The following CBY2 variants were observed in gnomAD, a reference collection of about 807,000 sequenced individuals.
The protein encoded by CBY2 is chibby family member 2, also known as protein chibby homolog 2.
A neutral mutation model predicts 25.3 loss-of-function variants in CBY2; 23 were observed. That is an observed-to-expected ratio of 0.91 (90% CI 0.65 to 1.29). CBY2 has a LOEUF of 1.29. Ranked by LOEUF, CBY2 falls within the 50% of genes most tolerant of loss-of-function variation. The probability of loss-of-function intolerance (pLI) is 0.00; values close to 1 mark genes in which losing one functional copy is unlikely to be tolerated. For synonymous variants in CBY2, 279 were observed against 260.2 expected (o/e 1.07, Z -0.70); for missense variants, 642 against 590.7 (o/e 1.09, Z -0.90).
At chr13:45,707,820 G>A (rs1950248157) in intron 2 of CBY2, among the ~76,000 whole-genome samples, 1 of 152,196 alleles carries the variant, frequency 6.6e-6, no homozygotes, top group Non-Finnish European at 1.5e-5. Context: ...TATCAGCTAT[G>A]TAATCTTATG....
intron 2 of CBY2, among the ~76,000 whole-genome samples, chr13:45,707,312 A>G (rs1379308304): frequency 6.6e-6 from 1 of 152,144 alleles, no homozygotes; most frequent in Admixed American, 6.5e-5. Flanking sequence ...GGAAAACTCC[A>G]TGCTTATAGA....
chr13:45,714,557 C>T lies in CBY2; in HGVS notation c.*185C>T, dbSNP rs374391161. 3.5e-5 allele frequency: 17 copies of T among 489,094 alleles called. No homozygotes were observed. The East Asian group carries it at 4.5e-4, about 13-fold the overall frequency. The allele number at this position is 489,094 out of a possible 1,614,324, so 30.3% of individuals were successfully genotyped here. A position where few individuals can be genotyped will look rare whatever the true frequency, so the allele number is the denominator to read the frequency against. On this transcript the variant is annotated 3_prime_UTR_variant, in exon 3 of 3. Coordinates refer to ENST00000310521, the MANE Select transcript of CBY2 (RefSeq NM_152719.3). ...GTGAGGAGGCTGGGGCCAGTTGACACCAGCATGCTGCCTTTTTCTTTCTTT... is the reference window on the plus strand; with the variant it reads ...GTGAGGAGGCTGGGGCCAGTTGACATCAGCATGCTGCCTTTTTCTTTCTTT...
At chr13:45,707,644 T>A (rs1228620353) in intron 2 of CBY2, among the ~76,000 whole-genome samples, 1 of 152,194 alleles carries the variant, frequency 6.6e-6, no homozygotes, top group East Asian at 1.9e-4. Context: ...CTTAGATAAT[T>A]GCAACTTACT....
chr13:45,713,670 C>CT lies in CBY2; in HGVS notation c.646dup (p.Ser216PhefsTer200). 5 of 1,612,916 alleles carry CT rather than the reference C, an allele frequency of 3.1e-6. No homozygotes were observed. Among genetic ancestry groups the CT allele is most frequent in the Non-Finnish European group, 4.2e-6 (5 of 1,179,972 alleles). ...TGGGCCGAGAGGAGAGCCGGGCCCC[C>CT]TCGCCACTGCTGCACAAAGACAGCG... On this transcript the variant is annotated frameshift_variant, in exon 3 of 3. Transcript: ENST00000310521. LOFTEE classifies it low-confidence loss of function (END_TRUNC). This position sits in a 1 kb window ranked among gnomAD's most constrained non-coding sequence, Gnocchi z 5.0.
intron 2 of CBY2, chr13:45,703,240 G>A (rs894203111): frequency 7.8e-7 from 1 of 1,278,262 alleles, no homozygotes; most frequent in African/African-American, 1.5e-5. Flanking sequence ...GCATAAGAAT[G>A]AATCCATGAG....
Position 45,704,289 on chromosome 13 carries a change from T to C in CBY2, c.156+1434T>C, listed in dbSNP as rs911174446. ...GGTTTAAGACAGCTCAAGCTTGTCT[T>C]GGGGCTGCCTGCTTCCTGTGCTGGA... On this transcript the variant is annotated intron_variant, in intron 2 of 2. Coordinates refer to ENST00000310521, the MANE Select transcript of CBY2 (RefSeq NM_152719.3). This position sits in a 1 kb window ranked among gnomAD's most constrained non-coding sequence, Gnocchi z 4.1. Among the ~76,000 whole-genome samples the C allele has an allele frequency of 3.3e-5, 5 of 152,120 alleles. No individual in the cohort carries two copies. Among genetic ancestry groups the C allele is most frequent in the African/African-American group, 1.2e-4 (5 of 41,424 alleles).
Position 45,704,967 on chromosome 13 carries a change from G to C in CBY2, c.156+2112G>C, listed in dbSNP as rs765676905. On this transcript the variant is annotated intron_variant, in intron 2 of 2. Coordinates refer to ENST00000310521, the MANE Select transcript of CBY2 (RefSeq NM_152719.3). This position sits in a 1 kb window ranked among gnomAD's most constrained non-coding sequence, Gnocchi z 4.1. ...CCAAAAGCTGCTCTATTCTGGGATG[G>C]AGTCCACTTTCCATTTGTTTCAGAA... 1.3e-5 allele frequency among the ~76,000 whole-genome samples: 2 copies of C among 152,166 alleles called. No individual in the cohort carries two copies. The highest frequency in any genetic ancestry group is 1.5e-5 in the Non-Finnish European group (1 of 68,028).
rs112104044 is a variant in CBY2 at position 45,713,860 on chromosome 13, G to A, written c.835G>A (p.Glu279Lys). Residue 279 changes from glutamate (E) to lysine (K), a missense_variant, in exon 3 of 3, where the codon GAG becomes AAG. Transcript: ENST00000310521. This position sits in a 1 kb window ranked among gnomAD's most constrained non-coding sequence, Gnocchi z 5.0. ...GGCAGAGGACACGGCCGCCCCTGCC[G>A]AGGAAAGCAAGCCCGCCCCCTCACC... ...AQAEDTAAPA[E>K]ESKPAPSPHE... The A allele has an allele frequency of 3.3e-3, 4,988 of 1,517,656 alleles. 207 individuals are homozygous for A. The South Asian group carries it at 0.055, about 17-fold the overall frequency. The allele number at this position is 1,517,656 out of a possible 1,614,324, so 94.0% of individuals were successfully genotyped here.
Position 45,702,551 on chromosome 13 carries a change from C to T in CBY2, c.75+86C>T. The T allele has an allele frequency of 5.1e-6, 6 of 1,175,016 alleles. No individual in the cohort carries two copies. The South Asian group carries it at 7.4e-5, about 15-fold the overall frequency. The allele number at this position is 1,175,016 out of a possible 1,614,324, so 72.8% of individuals were successfully genotyped here. A position where few individuals can be genotyped will look rare whatever the true frequency, so the allele number is the denominator to read the frequency against. ...CTCCACTTCAAAAACTTTCAAAAGC[C>T]TTTTACATCAACTATAATATCTAGC... On this transcript the variant is annotated intron_variant, in intron 1 of 2. Coordinates refer to ENST00000310521, the MANE Select transcript of CBY2 (RefSeq NM_152719.3).
At chr13:45,711,796 G>A (rs902582667) in intron 2 of CBY2, among the ~76,000 whole-genome samples, 1 of 152,192 alleles carries the variant, frequency 6.6e-6, no homozygotes, top group African/African-American at 2.4e-5. Context: ...GTTTTATGCT[G>A]TGGTCTTGAG....
At position 45,713,238 on chromosome 13, in the gene CBY2, C is replaced by A. The variant is rs80072371; in HGVS notation, c.213C>A (p.Cys71Ter). 0.051 allele frequency: 81,530 copies of A among 1,613,582 alleles called. 2,484 individuals are homozygous for A. Among genetic ancestry groups the A allele is most frequent in the African/African-American group, 0.13 (9,501 of 75,030 alleles). ...RLHNLYSTPR[C>*]AQQAALPRLS... The stretch of plus-strand genomic sequence containing the variant: ...ACAACTTGTACAGCACCCCTCGCTG[C>A]GCGCAGCAGGCCGCCCTGCCCCGGC... Residue 71 changes from cysteine to a stop codon, truncating the protein, a stop_gained, in exon 3 of 3, where the codon TGC becomes TGA. Coordinates refer to ENST00000310521, the MANE Select transcript of CBY2 (RefSeq NM_152719.3). LOFTEE classifies it high-confidence loss of function. This position sits in a 1 kb window ranked among gnomAD's most constrained non-coding sequence, Gnocchi z 5.0.
At position 45,704,101 on chromosome 13, in the gene CBY2, G is replaced by A. The variant is rs115773919; in HGVS notation, c.156+1246G>A. ...GTTGGTGTTTAAGAAACTTGGTCAGGCAGAGGATGCCAACCTAGGGGTGGG... is the reference window on the plus strand; with the variant it reads ...GTTGGTGTTTAAGAAACTTGGTCAGACAGAGGATGCCAACCTAGGGGTGGG... On this transcript the variant is annotated intron_variant, in intron 2 of 2. Transcript: ENST00000310521. The surrounding 1 kb of genome is among the most constrained non-coding windows in gnomAD (Gnocchi z 4.1). Among the ~76,000 whole-genome samples, 2,095 of 152,234 alleles carry A rather than the reference G, an allele frequency of 0.014. 37 individuals carry two copies. The highest frequency in any genetic ancestry group is 0.045 in the Middle Eastern group (13 of 292).
intron 2 of CBY2, chr13:45,703,632 G>A (rs1182513129): frequency 1.3e-6 from 2 of 1,511,386 alleles, no homozygotes; most frequent in South Asian, 2.4e-5. Flanking sequence ...TGTAGGAGGA[G>A]GATTGACCAC....
chr13:45,705,583 G>C (rs17067071), intron 2 of CBY2, among the ~76,000 whole-genome samples: 7,394 of 152,214 alleles, frequency 0.049, 397 homozygotes, highest in African/African-American at 0.13. Context: ...TATCCTCTTT[G>C]CTGTTAACGT....
At position 45,702,422 on chromosome 13, in the gene CBY2, G is replaced by T; in HGVS notation, c.32G>T (p.Gly11Val). 1 of 1,614,132 alleles carries T rather than the reference G, an allele frequency of 6.2e-7. No homozygotes were observed. The highest frequency in any genetic ancestry group is 1.3e-5 in the African/African-American group (1 of 75,032). The change falls in exon 1 of 3, where the codon GGT becomes GTT. Residue 11 changes from glycine (G) to valine (V), a missense_variant. Gly to Val is a moderately radical substitution (Grantham distance 109). Transcript: ENST00000310521. MSPLECSECF[G>V]DQLLHRTYTW... ...CCTCTGGAATGTTCTGAGTGTTTTG[G>T]TGACCAACTTCTGCATAGGACCTAT...
chr13:45,708,979 CTTGGGAAGAG>C (rs936258783), intron 2 of CBY2, among the ~76,000 whole-genome samples: 1 of 152,150 alleles, frequency 6.6e-6, no homozygotes, highest in African/African-American at 2.4e-5. Context: ...ACAAAGCCTG[CTTGGGAAGAG>C]TTGGCCATTT....
Position 45,714,509 on chromosome 13 carries a change from A to G in CBY2, c.*137A>G. On this transcript the variant is annotated 3_prime_UTR_variant, in exon 3 of 3. Coordinates refer to ENST00000310521, the MANE Select transcript of CBY2 (RefSeq NM_152719.3). Reference sequence around the variant, plus strand: ...GAAAAGCAGCGTTAGCAGCCTTCCTAAACTCAGAGTTTTAATAAAGGTGTG... The same window carrying G: ...GAAAAGCAGCGTTAGCAGCCTTCCTGAACTCAGAGTTTTAATAAAGGTGTG... 2.8e-6 allele frequency: 2 copies of G among 722,142 alleles called. No homozygotes were observed. The highest frequency in any genetic ancestry group is 4.9e-5 in the South Asian group (2 of 41,008). 44.7% of individuals were successfully genotyped at this position (722,142 alleles called of 1,614,324 possible).
chr13:45,703,837 T>C (rs1950225096), intron 2 of CBY2, among the ~76,000 whole-genome samples: 1 of 152,194 alleles, frequency 6.6e-6, no homozygotes, highest in Admixed American at 6.5e-5. Context: ...CCCCTGATCA[T>C]TCAACAAGAT....
intron 2 of CBY2, among the ~76,000 whole-genome samples, chr13:45,709,252 C>T (rs543067143): frequency 6.6e-6 from 1 of 152,290 alleles, no homozygotes; most frequent in African/African-American, 2.4e-5. Context: ...GGCTAGGGAT[C>T]CACCATATGT....
Sources: gnomAD v4.1 joint callset for allele counts (sites outside exome capture counted in the v4.1 genomes callset) on GRCh38, gnomAD v4.1.1 for gene constraint, Gnocchi (gnomAD v3.1) non-coding constraint, MANE v1.5 for transcripts, NCBI Gene and HGNC (gene_info 2026-07-23, HGNC 2026-07-21) for gene names.